Variants in ADGRA2 observed in about 807,000 individuals in gnomAD.
The protein encoded by ADGRA2 is adhesion G protein-coupled receptor A2.
ADGRA2 carries 61 observed loss-of-function variants against 98.7 expected under a neutral mutation model. The observed-to-expected ratio is 0.62, with a 90% CI of 0.50 to 0.76. ADGRA2 has a LOEUF of 0.76. Ranked by LOEUF, ADGRA2 falls within the 30% of genes least tolerant of loss-of-function variation. The pLI, the probability that ADGRA2 is intolerant of heterozygous loss-of-function variation, is 0.00. For missense variants in ADGRA2, 1,712 were observed against 1,860.0 expected (o/e 0.92, Z 1.46); for synonymous variants, 858 against 831.5 (o/e 1.03, Z -0.55).
At chr8:37,804,452 G>A (rs1585964956) in intron 1 of ADGRA2, among the ~76,000 whole-genome samples, 1 of 152,238 alleles carries the variant, frequency 6.6e-6, no homozygotes, top group African/African-American at 2.4e-5. Flanking sequence ...ATGCAGGCAC[G>A]TGGGACTGGG....
At chr8:37,836,680 C>A (rs1805625196) in intron 13 of ADGRA2, among the ~76,000 whole-genome samples, 2 of 152,218 alleles carry the variant, frequency 1.3e-5, no homozygotes, top group Admixed American at 1.3e-4. Context: ...CTCATGCCGT[C>A]ACCAGATTCA....
At position 37,813,432 on chromosome 8, in the gene ADGRA2, G is replaced by A. The variant is rs117821716; in HGVS notation, c.267-1464G>A. ...TGAGAATAATAAATAAAATAATAAC[G>A]TGAGTTCATAGAAGATCTAATATCC... On this transcript the variant is annotated intron_variant, in intron 1 of 18. Coordinates refer to ENST00000412232, the MANE Select transcript of ADGRA2 (RefSeq NM_032777.10). 7.5e-3 allele frequency among the ~76,000 whole-genome samples: 1,148 copies of A among 152,220 alleles called. 5 individuals are homozygous for A. Among genetic ancestry groups the A allele is most frequent in the South Asian group, 0.018 (87 of 4,822 alleles).
rs142650653 is a variant in ADGRA2 at position 37,840,773 on chromosome 8, G to T, written c.2671G>T (p.Ala891Ser). ...CATTCCCTCCAGGTTCTATTTGATC[G>T]CTGGAGGGATTCCACTCATTATCTG... ...PSPMLRFYLIAGGIPLIICGI... is the reference protein window; with the variant it reads ...PSPMLRFYLISGGIPLIICGI... The change falls in exon 18 of 19, where the codon GCT becomes TCT. Residue 891 changes from alanine (A) to serine (S), a missense_variant. By Grantham distance (99) the Ala-to-Ser change is moderately conservative (BLOSUM62 1). Transcript: ENST00000412232. The T allele has an allele frequency of 4.4e-6, 7 of 1,593,330 alleles. No individual in the cohort carries two copies. The Admixed American group carries it at 5.0e-5, about 11-fold the overall frequency.
In ADGRA2 at chr8:37,831,589, T is replaced by C; in HGVS notation, c.1097+2T>C. Reference sequence around the variant, plus strand: ...TGCCAACAACCGCGGGGACTTCAGGTTTGGCCCACTCCACCCTGTAGAGGG... The same window carrying C: ...TGCCAACAACCGCGGGGACTTCAGGCTTGGCCCACTCCACCCTGTAGAGGG... On this transcript the variant is annotated splice_donor_variant, in intron 8 of 18. Coordinates refer to ENST00000412232, the MANE Select transcript of ADGRA2 (RefSeq NM_032777.10). LOFTEE classifies it high-confidence loss of function. 2 of 1,613,460 alleles carry C rather than the reference T, an allele frequency of 1.2e-6. No individual in the cohort carries two copies. Among genetic ancestry groups the C allele is most frequent in the Non-Finnish European group, 1.7e-6 (2 of 1,179,918 alleles).
In ADGRA2 at chr8:37,841,922, C is replaced by T; in HGVS notation, c.3584C>T (p.Ala1195Val). Residue 1195 changes from alanine (A) to valine (V), a missense_variant, in exon 19 of 19, where the codon GCC becomes GTC. Transcript: ENST00000412232. The surrounding 1 kb of genome is among the most constrained non-coding windows in gnomAD (Gnocchi z 5.0). ...SRAKGHRAGEACGKNRLKALR... is the reference protein window; with the variant it reads ...SRAKGHRAGEVCGKNRLKALR... ...GCCAAGGGACACCGCGCGGGGGAGG[C>T]CTGCGGCAAGAACCGGCTCAAGGCC... The T allele has an allele frequency of 6.6e-7, 1 of 1,524,176 alleles. No homozygotes were observed. Among genetic ancestry groups the T allele is most frequent in the Non-Finnish European group, 8.7e-7 (1 of 1,143,016 alleles). 94.4% of individuals were successfully genotyped at this position (1,524,176 alleles called of 1,614,324 possible). A position where few individuals can be genotyped will look rare whatever the true frequency, so the allele number is the denominator to read the frequency against.
chr8:37,815,051 C>A, intron 2 of ADGRA2, 84 bp downstream of exon 2: 2 of 953,032 alleles, frequency 2.1e-6, no homozygotes, highest in South Asian at 2.6e-5. Context: ...GAACGCTGGT[C>A]GCTGAGTGAC....
rs1290239384 is a variant in ADGRA2 at position 37,842,291 on chromosome 8, G to A, written c.3953G>A (p.Gly1318Asp). The A allele has an allele frequency of 6.4e-7, 1 of 1,564,960 alleles. No homozygotes were observed. Among genetic ancestry groups the A allele is most frequent in the Non-Finnish European group, 8.6e-7 (1 of 1,160,896 alleles). The change falls in exon 19 of 19, where the codon GGC (glycine) becomes GAC (aspartate). Residue 1318 changes from glycine (G) to aspartate (D), a missense_variant. By Grantham distance (94) the Gly-to-Asp change is moderately conservative (BLOSUM62 -1). Transcript: ENST00000412232. ...AAGTACGACGACGTCACCCTGATGGGCGCGGAGGTAGCCAGCGGCGGCTGC... is the reference window on the plus strand; with the variant it reads ...AAGTACGACGACGTCACCCTGATGGACGCGGAGGTAGCCAGCGGCGGCTGC... Reference protein sequence around the residue: ...GGKYDDVTLMGAEVASGGCMK... With the variant: ...GGKYDDVTLMDAEVASGGCMK...
At position 37,842,549 on chromosome 8, in the gene ADGRA2, C is replaced by T. The variant is rs899778514; in HGVS notation, c.*194C>T. On this transcript the variant is annotated 3_prime_UTR_variant, in exon 19 of 19. Transcript: ENST00000412232. ...GTAGCGACAGACAATCCCAGAAACA[C>T]GCATAATACATTTCCGTCCAGCCCG... The T allele has an allele frequency of 6.3e-6, 6 of 945,536 alleles. No individual in the cohort carries two copies. Among genetic ancestry groups the T allele is most frequent in the Non-Finnish European group, 8.6e-6 (6 of 694,840 alleles). 58.6% of individuals were successfully genotyped at this position (945,536 alleles called of 1,614,324 possible).
At chr8:37,840,913 G>T in intron 18 of ADGRA2, 64 bp downstream of exon 18, 1 of 904,696 alleles carries the variant, frequency 1.1e-6, no homozygotes, top group East Asian at 4.2e-5. Flanking sequence ...CCACTCCACT[G>T]GCAGGGCCAT....
rs141965349 is a variant in ADGRA2, at chr8:37,833,735, C to T, written c.1344C>T (p.Arg448=). ...CGCTGACCCTGGCTCACCAGCTGCG[C>T]GTGTACACAGCCGAGGCCGCTAGCT... ...SNALTLAHQL[R]VYTAEAASFS... Residue 448 remains arginine (R), a synonymous_variant, in exon 10 of 19, where the codon CGC becomes CGT. Coordinates refer to ENST00000412232, the MANE Select transcript of ADGRA2 (RefSeq NM_032777.10). 3,348 of 1,614,110 alleles carry T rather than the reference C, an allele frequency of 2.1e-3. 6 individuals carry two copies. Among genetic ancestry groups the T allele is most frequent in the Non-Finnish European group, 2.7e-3 (3,161 of 1,179,944 alleles).
At chr8:37,831,329 G>T (rs1390045983) in intron 7 of ADGRA2, 94 bp from the exon 8 acceptor site, 1 of 1,147,728 alleles carries the variant, frequency 8.7e-7, no homozygotes, top group Admixed American at 2.0e-5. Flanking sequence ...AAGAAAAAAG[G>T]ACCTGCAGCT....
Position 37,842,517 on chromosome 8 carries a change from C to T in ADGRA2, c.*162C>T. ...TTCCCCACTTGCCTAGAGGGCATCC[C>T]TCTGGGGTAGCGACAGACAATCCCA... On this transcript the variant is annotated 3_prime_UTR_variant, in exon 19 of 19. Transcript: ENST00000412232. 1 of 1,200,348 alleles carries T rather than the reference C, an allele frequency of 8.3e-7. No individual in the cohort carries two copies. Among genetic ancestry groups the T allele is most frequent in the Non-Finnish European group, 1.1e-6 (1 of 916,204 alleles). The allele number at this position is 1,200,348 out of a possible 1,614,324, so 74.4% of individuals were successfully genotyped here. A position where few individuals can be genotyped will look rare whatever the true frequency, so the allele number is the denominator to read the frequency against.
intron 13 of ADGRA2, among the ~76,000 whole-genome samples, chr8:37,836,097 A>ACACACACACACACACCCC (rs1245868623): frequency 9.2e-6 from 1 of 108,636 alleles, no homozygotes; most frequent in African/African-American, 3.7e-5. Context: ...ACACACACAC[A>ACACACACACACACACCCC]CCCCACAGGC....
chr8:37,837,945 T>G lies in ADGRA2; in HGVS notation c.2259+6T>G, dbSNP rs1585406379. ...GCAATGTGGCCGTGCTCATGGTGGG[T>G]GTGAGGAGGGGTGACAAGTCGGGGG... On this transcript the variant is annotated splice_donor_region_variant and intron_variant, in intron 14 of 18. Transcript: ENST00000412232. 1.4e-6 allele frequency: 2 copies of G among 1,451,780 alleles called. No individual in the cohort carries two copies. The highest frequency in any genetic ancestry group is 2.8e-5 in the Admixed American group (1 of 35,420). 89.9% of individuals were successfully genotyped at this position (1,451,780 alleles called of 1,614,324 possible). A position where few individuals can be genotyped will look rare whatever the true frequency, so the allele number is the denominator to read the frequency against.
intron 1 of ADGRA2, among the ~76,000 whole-genome samples, chr8:37,798,192 T>G (rs931683685): frequency 1.3e-5 from 2 of 152,232 alleles, no homozygotes; most frequent in African/African-American, 4.8e-5. Flanking sequence ...GCGCCGTTTG[T>G]GCAGTGAGCT....
At chr8:37,825,872 G>T (rs1009024926) in intron 2 of ADGRA2, among the ~76,000 whole-genome samples, 12 of 152,174 alleles carry the variant, frequency 7.9e-5, no homozygotes, top group Admixed American at 2.6e-4. Flanking sequence ...AAGGGCACTC[G>T]TGGGGGCTGC....
At chr8:37,836,092 CACA>C (rs1563351756) in intron 13 of ADGRA2, among the ~76,000 whole-genome samples, 15 of 135,404 alleles carry the variant, frequency 1.1e-4, no homozygotes, top group African/African-American at 1.5e-4. Flanking sequence ...CACACACACA[CACA>C]CACCCCACAG....
chr8:37,825,755 G>A (rs894294892), intron 2 of ADGRA2, among the ~76,000 whole-genome samples: 1 of 152,178 alleles, frequency 6.6e-6, no homozygotes, highest in African/African-American at 2.4e-5. Context: ...CTCCCGCCCC[G>A]AGGGAGGACA....
rs781156533 is a variant in ADGRA2 at position 37,829,474 on chromosome 8, CCT to C, written c.483-13_483-12del. The C allele has an allele frequency of 3.7e-6, 6 of 1,609,550 alleles. No homozygotes were observed. The highest frequency in any genetic ancestry group is 2.7e-5 in the African/African-American group (2 of 74,824). On this transcript the variant is annotated splice_polypyrimidine_tract_variant and intron_variant, in intron 4 of 18. Transcript: ENST00000412232. ...CCCTAAGACCCCATCTCAGTTGTCC[CCT>C]GTTCCCTGCAGAAACATATCTGGAA...
Sources: allele counts gnomAD v4.1 joint callset (sites outside exome capture counted in the v4.1 genomes callset), GRCh38; gene constraint gnomAD v4.1.1; non-coding constraint Gnocchi (gnomAD v3.1); transcripts MANE v1.5; gene names NCBI Gene and HGNC (gene_info 2026-07-23, HGNC 2026-07-21).